Variants in MIER2 observed in about 807,000 individuals in gnomAD.
The protein encoded by MIER2 is mesoderm induction early response protein 2.
Under a neutral mutation model 67.6 loss-of-function variants are expected in MIER2, and 30 were observed. That is an observed-to-expected ratio of 0.44 (90% CI 0.33 to 0.60). The LOEUF is 0.60. Ranked by LOEUF, MIER2 falls within the 20% of genes least tolerant of loss-of-function variation. MIER2 has a pLI of 0.02. For missense variants in MIER2, 702 were observed against 745.1 expected (o/e 0.94, Z 0.67); for synonymous variants, 372 against 312.6 (o/e 1.19, Z -2.00).
intron 1 of MIER2, among the ~76,000 whole-genome samples, chr19:341,960 C>A (rs1972525549): frequency 6.6e-6 from 1 of 152,086 alleles, no homozygotes; most frequent in Admixed American, 6.5e-5. Context: ...ATAGAGTGCA[C>A]CAAAAACACA....
intron 4 of MIER2, 73 bp downstream of exon 4, chr19:327,791 C>A: frequency 6.3e-7 from 1 of 1,585,574 alleles, no homozygotes; most frequent in Non-Finnish European, 8.6e-7. Flanking sequence ...TGAACACTCC[C>A]CTCTGCAGAG....
In MIER2 at chr19:307,504, G is replaced by A. The variant is rs1380221544; in HGVS notation, c.1231C>T (p.Leu411Phe). The stretch of plus-strand genomic sequence containing the variant: ...TCAGAGGCCACTCCGGGCTCATCGA[G>A]ACCACCGGCCGTGCCATCCACGCTC... Reference protein sequence around the residue: ...PLSVDGTAGGLDEPGVASDGL... With the variant: ...PLSVDGTAGGFDEPGVASDGL... The change falls in exon 13 of 14, where the codon CTC becomes TTC. Residue 411 changes from leucine to phenylalanine, a missense_variant. Leu to Phe is a conservative substitution (Grantham distance 22). Transcript: ENST00000264819. 6.6e-7 allele frequency: 1 copy of A among 1,519,068 alleles called. No individual in the cohort carries two copies. The highest frequency in any genetic ancestry group is 2.1e-5 in the Admixed American group (1 of 47,238). The allele number at this position is 1,519,068 out of a possible 1,614,324, so 94.1% of individuals were successfully genotyped here.
At chr19:313,356 C>T (rs1971098086) in intron 8 of MIER2, 136 bp downstream of exon 8, 2 of 1,388,744 alleles carry the variant, frequency 1.4e-6, no homozygotes, top group Non-Finnish European at 9.7e-7. Flanking sequence ...GTAGCTGTTC[C>T]AGTGCCCTGG....
At chr19:310,799 A>G (rs1970964627) in intron 10 of MIER2, among the ~76,000 whole-genome samples, 1 of 149,450 alleles carries the variant, frequency 6.7e-6, no homozygotes, top group African/African-American at 2.5e-5. Context: ...GTCCAGAAAC[A>G]CAGCCTGGAG....
At chr19:313,791 G>C (rs1971123330) in intron 7 of MIER2, 148 bp from the exon 8 acceptor site, 2 of 1,119,926 alleles carry the variant, frequency 1.8e-6, no homozygotes, top group South Asian at 1.6e-5. Context: ...CCATCCCTGT[G>C]CTCCTCCTGG....
Position 311,843 on chromosome 19 carries a change from A to G in MIER2, c.984+2T>C. 1 of 1,613,934 alleles carries G rather than the reference A, an allele frequency of 6.2e-7. No homozygotes were observed. Among genetic ancestry groups the G allele is most frequent in the East Asian group, 2.2e-5 (1 of 44,860 alleles). On this transcript the variant is annotated splice_donor_variant, in intron 10 of 13. Coordinates refer to ENST00000264819, the MANE Select transcript of MIER2 (RefSeq NM_017550.3). LOFTEE classifies it high-confidence loss of function. ...GGTGGAGCCTGGCAGTGGAGTCCGC[A>G]CCTTGTTGGCCTGGATCAGGTGAAA... is the stretch of plus-strand genomic sequence containing the variant.
chr19:318,821 C>A (rs1436892401), intron 7 of MIER2, among the ~76,000 whole-genome samples: 1 of 152,128 alleles, frequency 6.6e-6, no homozygotes, highest in Non-Finnish European at 1.5e-5. Flanking sequence ...CTTTGGGAGG[C>A]CGAGGCGGGC....
intron 12 of MIER2, among the ~76,000 whole-genome samples, chr19:307,763 C>T (rs972576755): frequency 3.5e-5 from 4 of 115,486 alleles, no homozygotes; most frequent in Non-Finnish European, 6.8e-5. Context: ...GGGTCACAAC[C>T]CACATCTTTA....
At position 313,153 on chromosome 19, in the gene MIER2, G is replaced by A. The variant is rs373013152; in HGVS notation, c.807+339C>T. 2.9e-5 allele frequency among the ~76,000 whole-genome samples: 4 copies of A among 136,988 alleles called. No homozygotes were observed. The East Asian group carries it at 1.0e-3, about 36-fold the overall frequency. The allele number at this position is 136,988 out of a possible 152,430, so 89.9% of individuals were successfully genotyped here. A position where few individuals can be genotyped will look rare whatever the true frequency, so the allele number is the denominator to read the frequency against. On this transcript the variant is annotated intron_variant, in intron 8 of 13. Coordinates refer to ENST00000264819, the MANE Select transcript of MIER2 (RefSeq NM_017550.3). ...CACACCACCCTCCTGGGCGATGTCA[G>A]AGCCACCTACACCTCTATCCAGGGA...
rs761078841 is a variant in MIER2, at chr19:313,662, A to G, written c.656-19T>C. 10 of 1,605,084 alleles carry G rather than the reference A, an allele frequency of 6.2e-6. No individual in the cohort carries two copies. The Admixed American group carries it at 1.7e-4, about 27-fold the overall frequency. On this transcript the variant is annotated intron_variant, in intron 7 of 13. Coordinates refer to ENST00000264819, the MANE Select transcript of MIER2 (RefSeq NM_017550.3). ...TCGTAGACTGCACAAGCAGAGGGCAAAGGTCAGCTTGCAGGAACCCAATCT... is the reference window on the plus strand; with the variant it reads ...TCGTAGACTGCACAAGCAGAGGGCAGAGGTCAGCTTGCAGGAACCCAATCT...
chr19:334,050 C>G (rs1972135539), intron 3 of MIER2: 1 of 200,172 alleles, frequency 5.0e-6, no homozygotes, highest in African/African-American at 2.3e-5. Flanking sequence ...GTCTCGAACT[C>G]CTGATCTCAA....
chr19:309,062 C>T, intron 10 of MIER2, 137 bp from the exon 11 acceptor site: 1 of 1,258,394 alleles, frequency 7.9e-7, no homozygotes, highest in South Asian at 1.5e-5. Context: ...TAACGCAAGA[C>T]CCCCCGACCC....
chr19:336,111 T>G lies in MIER2; in HGVS notation c.72A>C (p.Pro24=). Reference sequence around the variant, plus strand: ...CTGTTGTCTGCAAGCCCGGCTCCCCTGGGCACAGGCTGTGCTCGAGGCAGG... The same window carrying G: ...CTGTTGTCTGCAAGCCCGGCTCCCCGGGGCACAGGCTGTGCTCGAGGCAGG... ...VVSCLEHSLC[P]GEPGLQTTAV... The change falls in exon 2 of 14, where the codon CCA becomes CCC. Residue 24 remains proline, a synonymous_variant. Coordinates refer to ENST00000264819, the MANE Select transcript of MIER2 (RefSeq NM_017550.3). 1 of 1,613,890 alleles carries G rather than the reference T, an allele frequency of 6.2e-7. No homozygotes were observed. Among genetic ancestry groups the G allele is most frequent in the Non-Finnish European group, 8.5e-7 (1 of 1,179,850 alleles).
Position 307,165 on chromosome 19 carries a change from G to T in MIER2, c.1570C>A (p.His524Asn). 1 of 1,588,602 alleles carries T rather than the reference G, an allele frequency of 6.3e-7. No individual in the cohort carries two copies. Among genetic ancestry groups the T allele is most frequent in the Admixed American group, 1.8e-5 (1 of 56,310 alleles). The change falls in exon 13 of 14, where the codon CAC (histidine) becomes AAC (asparagine). Residue 524 changes from histidine to asparagine, a missense_variant. Physicochemically the swap from His to Asn is moderately conservative, Grantham distance 68. Coordinates refer to ENST00000264819, the MANE Select transcript of MIER2 (RefSeq NM_017550.3). ...AGCCCGGGGGCCGGGCACGTGGGGT[G>T]GGCGGCCAGGAAGGGGTTCACGTCC... ...IGDVNPFLAA[H>N]PTCPAPGLHS... is the part of the protein sequence containing the mutation.
intron 6 of MIER2, among the ~76,000 whole-genome samples, chr19:326,110 C>T (rs1568229716): frequency 2.0e-5 from 3 of 152,206 alleles, no homozygotes; most frequent in East Asian, 1.9e-4. Flanking sequence ...TTACTGAGGC[C>T]GAGATACCAG....
chr19:336,212 A>C (rs1463382730), intron 1 of MIER2, 39 bp from the exon 2 acceptor site: 4 of 1,544,026 alleles, frequency 2.6e-6, no homozygotes, highest in Non-Finnish European at 3.6e-6. Flanking sequence ...CGGCCGGCCC[A>C]AAACCTGCTG....
chr19:317,324 G>C (rs969286765), intron 7 of MIER2, among the ~76,000 whole-genome samples: 7 of 151,912 alleles, frequency 4.6e-5, no homozygotes, highest in Non-Finnish European at 1.0e-4. Flanking sequence ...TCAGGAGATC[G>C]AGACCACCCG....
rs2145376720 is a variant in MIER2, at chr19:313,538, G to A, written c.761C>T (p.Ala254Val). 6.2e-7 allele frequency: 1 copy of A among 1,612,944 alleles called. No homozygotes were observed. Residue 254 changes from alanine to valine, a missense_variant, in exon 8 of 14, where the codon GCC becomes GTC. Coordinates refer to ENST00000264819, the MANE Select transcript of MIER2 (RefSeq NM_017550.3). Reference sequence around the variant, plus strand: ...TTCTCCCTCTGGGAGCTGAGGCCCGGCCATCTCGTGCCAACGCCGCTTCAC... The same window carrying A: ...TTCTCCCTCTGGGAGCTGAGGCCCGACCATCTCGTGCCAACGCCGCTTCAC... Reference protein sequence around the residue: ...RAVKRRWHEMAGPQLPEGEAV... With the variant: ...RAVKRRWHEMVGPQLPEGEAV...
At position 307,330 on chromosome 19, in the gene MIER2, T is replaced by C; in HGVS notation, c.1405A>G (p.Arg469Gly). ...VTAPEPDASPRLAVDFALPKE... is the reference protein window; with the variant it reads ...VTAPEPDASPGLAVDFALPKE... ...GGCAGGGCGAAGTCCACGGCCAGCCTTGGGCTGGCGTCTGGCTCCGGAGCA... is the reference window on the plus strand; with the variant it reads ...GGCAGGGCGAAGTCCACGGCCAGCCCTGGGCTGGCGTCTGGCTCCGGAGCA... The change falls in exon 13 of 14, where the codon AGG becomes GGG. Residue 469 changes from arginine (R) to glycine (G), a missense_variant. Physicochemically the swap from Arg to Gly is moderately radical, Grantham distance 125. Around this residue, in one of 3 missense-constraint regions of MIER2, gnomAD observed 254 missense variants for 262.8 expected, o/e 0.97. Transcript: ENST00000264819. 1.2e-6 allele frequency: 2 copies of C among 1,603,286 alleles called. No individual in the cohort carries two copies. The highest frequency in any genetic ancestry group is 1.7e-6 in the Non-Finnish European group (2 of 1,175,740).
Sources: allele counts gnomAD v4.1 joint callset (sites outside exome capture counted in the v4.1 genomes callset), GRCh38; gene constraint gnomAD v4.1.1; regional missense constraint gnomAD v4.1.1; transcripts MANE v1.5; gene names NCBI Gene and HGNC (gene_info 2026-07-23, HGNC 2026-07-21).